The following NUP210 variants were observed in gnomAD, a reference collection of about 807,000 sequenced individuals.
The protein encoded by NUP210 is nuclear pore membrane glycoprotein 210.
NUP210 carries 151 observed loss-of-function variants against 196.0 expected under a neutral mutation model. The observed-to-expected ratio is 0.77, with a 90% CI of 0.67 to 0.88. The LOEUF (loss-of-function observed/expected upper bound fraction) is 0.88, where lower values mean the gene tolerates loss of function less well. Among genes scored for constraint, NUP210 ranks in the 40% least tolerant of loss-of-function variants. The pLI is 0.00. For synonymous variants in NUP210, 1,070 were observed against 1,052.7 expected, an observed-to-expected ratio of 1.02 and a Z score of -0.32; for missense variants, 2,314 against 2,493.7, an observed-to-expected ratio of 0.93 and a Z score of 1.53.
rs1181698077 is a variant in NUP210 at position 13,366,007 on chromosome 3, T to C, written c.1871A>G (p.Tyr624Cys). Residue 624 changes from tyrosine (Y) to cysteine (C), a missense_variant, in exon 14 of 40, where the codon TAC (tyrosine) becomes TGC (cysteine). Transcript: ENST00000254508. ...ACTCAGGTGGACGTGGCCGTGTCTG[T>C]AGCTCACAAGAAGCGTGGTAGAGCC... ...AQGSTTLLVS[Y>C]RHGHVHLSAK... 3.1e-6 allele frequency: 5 copies of C among 1,614,116 alleles called. No homozygotes were observed. The highest frequency in any genetic ancestry group is 3.4e-6 in the Non-Finnish European group (4 of 1,180,036).
Position 13,379,744 on chromosome 3 carries a change from T to A in NUP210, c.818-23A>T, listed in dbSNP as rs1699043330. 6 of 1,547,834 alleles carry A rather than the reference T, an allele frequency of 3.9e-6. No individual in the cohort carries two copies. The East Asian group carries it at 1.4e-4, about 35-fold the overall frequency. ...GTTCTGGCCACCAAGAAACAAAAAA[T>A]AACAGGGAAAGAGAGAGCAAAGACA... On this transcript the variant is annotated intron_variant, in intron 6 of 39. Coordinates refer to ENST00000254508, the MANE Select transcript of NUP210 (RefSeq NM_024923.4). This position sits in a 1 kb window ranked among gnomAD's most constrained non-coding sequence, Gnocchi z 4.2.
intron 20 of NUP210, among the ~76,000 whole-genome samples, chr3:13,349,233 C>T (rs554715824): frequency 2.6e-5 from 4 of 152,294 alleles, no homozygotes; most frequent in South Asian, 4.2e-4. Context: ...AGCGGGGCTC[C>T]GCTCCATACT....
At position 13,360,229 on chromosome 3, in the gene NUP210, T is replaced by C. The variant is rs188798789; in HGVS notation, c.2154+41A>G. On this transcript the variant is annotated intron_variant, in intron 15 of 39. Coordinates refer to ENST00000254508, the MANE Select transcript of NUP210 (RefSeq NM_024923.4). Reference sequence around the variant, plus strand: ...TACTGAGAGAGTCATTTTCCACCCCTGCCTTAGGGCAAGGAGGGTCTGGAG... The same window carrying C: ...TACTGAGAGAGTCATTTTCCACCCCCGCCTTAGGGCAAGGAGGGTCTGGAG... The C allele has an allele frequency of 3.1e-4, 478 of 1,542,328 alleles. 1 individual carries two copies. The African/African-American group carries it at 5.6e-3, about 18-fold the overall frequency.
chr3:13,321,514 T>G, intron 36 of NUP210, 71 bp downstream of exon 36: 1 of 1,528,560 alleles, frequency 6.5e-7, no homozygotes, highest in Non-Finnish European at 8.9e-7. Flanking sequence ...CACACCACAT[T>G]CCCTCTTCCT....
Position 13,347,088 on chromosome 3 carries a change from A to C in NUP210, c.2836-3785T>G. ...CCACTCATCCTGGACACATGTCCTCACCTGAACAATGGCCCCATGACGGGC... is the reference window on the plus strand; with the variant it reads ...CCACTCATCCTGGACACATGTCCTCCCCTGAACAATGGCCCCATGACGGGC... On this transcript the variant is annotated intron_variant, in intron 20 of 39. Transcript: ENST00000254508. This position sits in a 1 kb window ranked among gnomAD's most constrained non-coding sequence, Gnocchi z 4.7. The C allele has an allele frequency of 1.0e-6, 1 of 985,406 alleles. No individual in the cohort carries two copies. Among genetic ancestry groups the C allele is most frequent in the Non-Finnish European group, 1.2e-6 (1 of 829,908 alleles). The allele number at this position is 985,406 out of a possible 1,614,324, so 61.0% of individuals were successfully genotyped here.
chr3:13,357,393 A>T (rs1698204655), intron 16 of NUP210, among the ~76,000 whole-genome samples: 1 of 152,112 alleles, frequency 6.6e-6, no homozygotes, highest in Admixed American at 6.5e-5. Context: ...GCCACCTCTG[A>T]TCCATCTTAT....
intron 30 of NUP210, 57 bp downstream of exon 30, chr3:13,330,403 T>C (rs909337828): frequency 6.6e-7 from 1 of 1,517,436 alleles, no homozygotes; most frequent in Admixed American, 1.8e-5. Flanking sequence ...CTGAGAGGCA[T>C]ATTACCTCAG....
At chr3:13,361,169 G>A (rs566726923) in intron 14 of NUP210, among the ~76,000 whole-genome samples, 66 of 152,318 alleles carry the variant, frequency 4.3e-4, no homozygotes, top group African/African-American at 1.4e-3. Context: ...TGAGCCGCTG[G>A]GCTTCCCATA....
rs1700493246 is a variant in NUP210 at position 13,420,256 on chromosome 3, G to A, written c.-30C>T. On this transcript the variant is annotated 5_prime_UTR_variant, in exon 1 of 40. Transcript: ENST00000254508. This position sits in a 1 kb window ranked among gnomAD's most constrained non-coding sequence, Gnocchi z 4.8. ...GCCGCGCGTCACCTCCCGCGACCCTGCGCCCGGCCGCCCGCGCCGCCCCGT... is the reference window on the plus strand; with the variant it reads ...GCCGCGCGTCACCTCCCGCGACCCTACGCCCGGCCGCCCGCGCCGCCCCGT... 5 of 1,061,350 alleles carry A rather than the reference G, an allele frequency of 4.7e-6. No individual in the cohort carries two copies. In the East Asian group the frequency reaches 3.4e-4, roughly 72 times the overall value. 65.7% of individuals were successfully genotyped at this position (1,061,350 alleles called of 1,614,324 possible).
chr3:13,397,321 G>T, intron 3 of NUP210, 36 bp downstream of exon 3: 1 of 1,598,938 alleles, frequency 6.3e-7, no homozygotes. Flanking sequence ...ATCTAGCATG[G>T]GCTGCAGAAG....
At chr3:13,332,783 T>C (rs1697050895) in intron 28 of NUP210, among the ~76,000 whole-genome samples, 1 of 152,116 alleles carries the variant, frequency 6.6e-6, no homozygotes, top group Non-Finnish European at 1.5e-5. Context: ...CAGGCTCATG[T>C]TTGTGTAGTC....
chr3:13,406,086 T>G (rs561129497), intron 1 of NUP210, among the ~76,000 whole-genome samples: 138 of 152,274 alleles, frequency 9.1e-4, no homozygotes, highest in Non-Finnish European at 1.6e-3. Context: ...AATTCTAGTA[T>G]AGGTAGTACA....
At position 13,420,089 on chromosome 3, in the gene NUP210, C is replaced by A; in HGVS notation, c.138G>T (p.Thr46=). ...GGTAGCAGCCCTCCGAGGCCTCCAG[C>A]GTGAAGTTAACGCGCGTGGCCCGCG... is the stretch of plus-strand genomic sequence containing the variant. ...PFTRATRVNF[T]LEASEGCYRW... is the part of the protein sequence containing the mutation. The change falls in exon 1 of 40, where the codon ACG becomes ACT. Residue 46 remains threonine (T), a synonymous_variant. Coordinates refer to ENST00000254508, the MANE Select transcript of NUP210 (RefSeq NM_024923.4). This position sits in a 1 kb window ranked among gnomAD's most constrained non-coding sequence, Gnocchi z 4.8. The A allele has an allele frequency of 7.3e-7, 1 of 1,379,026 alleles. No homozygotes were observed. Among genetic ancestry groups the A allele is most frequent in the Non-Finnish European group, 9.6e-7 (1 of 1,045,252 alleles). The allele number at this position is 1,379,026 out of a possible 1,614,324, so 85.4% of individuals were successfully genotyped here.
chr3:13,327,463 T>C, intron 31 of NUP210, 26 bp from the exon 32 acceptor site: 1 of 1,545,678 alleles, frequency 6.5e-7, no homozygotes, highest in Non-Finnish European at 8.9e-7. Flanking sequence ...AAAGGAGGGC[T>C]CTCAGTCTCG....
chr3:13,402,001 G>A (rs184156373), intron 1 of NUP210, among the ~76,000 whole-genome samples: 29 of 152,082 alleles, frequency 1.9e-4, no homozygotes, highest in African/African-American at 6.7e-4. Context: ...TCAAGACCAG[G>A]CTGGGCAACA....
rs369109985 is a variant in NUP210, at chr3:13,330,563, T to C, written c.4007A>G (p.Glu1336Gly). ...PEKVPVVHVD[E>G]KGFLASGSMI... ...AGACCCTGATGCTAGAAAGCCTTTC[T>C]CATCAACATGCACAACTGGAACCTT... Residue 1336 changes from glutamate (E) to glycine (G), a missense_variant, in exon 30 of 40, where the codon GAG becomes GGG. Physicochemically the swap from Glu to Gly is moderately conservative, Grantham distance 98 (BLOSUM62 -2). Transcript: ENST00000254508. 8 of 1,614,100 alleles carry C rather than the reference T, an allele frequency of 5.0e-6. No individual in the cohort carries two copies. Among genetic ancestry groups the C allele is most frequent in the Non-Finnish European group, 6.8e-6 (8 of 1,180,036 alleles).
intron 32 of NUP210, among the ~76,000 whole-genome samples, chr3:13,326,366 A>G (rs1696754202): frequency 6.6e-6 from 1 of 152,008 alleles, no homozygotes; most frequent in African/African-American, 2.4e-5. Flanking sequence ...TTAGCAACAG[A>G]CAGCAGGTGT....
intron 9 of NUP210, 37 bp from the exon 10 acceptor site, chr3:13,376,468 G>A: frequency 6.2e-7 from 1 of 1,611,902 alleles, no homozygotes; most frequent in Non-Finnish European, 8.5e-7. Context: ...AGGTGCTTCT[G>A]GGGTGACTCC....
chr3:13,327,079 G>A, intron 32 of NUP210, 138 bp downstream of exon 32: 1 of 659,792 alleles, frequency 1.5e-6, no homozygotes, highest in Non-Finnish European at 2.6e-6. Flanking sequence ...CAGCAGTTTT[G>A]GAGCACTGCT....
Sources: allele counts gnomAD v4.1 joint callset (sites outside exome capture counted in the v4.1 genomes callset), GRCh38; gene constraint gnomAD v4.1.1; non-coding constraint Gnocchi (gnomAD v3.1); transcripts MANE v1.5; gene names NCBI Gene and HGNC (gene_info 2026-07-23, HGNC 2026-07-21).